Variants in RAPGEF4 observed in about 807,000 individuals in gnomAD.
The protein encoded by RAPGEF4 is Rap guanine nucleotide exchange factor 4, also known as RAP guanine-nucleotide-exchange factor (GEF) 4.
In RAPGEF4, 66 loss-of-function variants were observed where a neutral mutation model predicts 147.9. That is an observed-to-expected ratio of 0.45 (90% CI 0.37 to 0.55). The LOEUF (loss-of-function observed/expected upper bound fraction) is 0.55. Among genes scored for constraint, RAPGEF4 ranks in the 20% least tolerant of loss-of-function variants. The pLI is 0.00. For missense variants in RAPGEF4, 1,071 were observed against 1,257.3 expected (o/e 0.85, Z 2.24); for synonymous variants, 419 against 442.7 (o/e 0.95, Z 0.67).
At chr2:173,036,837 T>C in intron 29 of RAPGEF4, 145 bp downstream of exon 29, 1 of 550,374 alleles carries the variant, frequency 1.8e-6, no homozygotes, top group East Asian at 2.9e-5. Context: ...TTGGTTCAAA[T>C]TGGCTACCTA....
intron 2 of RAPGEF4, among the ~76,000 whole-genome samples, chr2:172,795,774 G>A (rs61504669): frequency 6.6e-6 from 1 of 152,208 alleles, no homozygotes; most frequent in African/African-American, 2.4e-5. Context: ...TCCTGAGGTA[G>A]AATGACTTCA....
chr2:172,827,191 T>C (rs1689764638), intron 4 of RAPGEF4, among the ~76,000 whole-genome samples: 2 of 152,148 alleles, frequency 1.3e-5, no homozygotes, highest in Non-Finnish European at 2.9e-5. Context: ...ATAATAACAG[T>C]TGCAAGCACA....
intron 17 of RAPGEF4, among the ~76,000 whole-genome samples, chr2:173,011,921 A>G (rs1289438332): frequency 6.6e-6 from 1 of 151,304 alleles, no homozygotes; most frequent in African/African-American, 2.4e-5. Context: ...ATTGAGGCTA[A>G]GTGTTCACCA....
chr2:172,889,922 G>A lies in RAPGEF4; in HGVS notation c.445-27880G>A, dbSNP rs540003318. ...TATTCCTGGGGTTTTATCTACCAGC[G>A]TCTGGGAATGTTTCGTGATGTGCTG... On this transcript the variant is annotated intron_variant, in intron 4 of 30. Transcript: ENST00000397081. The A allele has an allele frequency of 4.3e-5, 28 of 647,474 alleles. No individual in the cohort carries two copies. In the Admixed American group the frequency reaches 4.4e-4, roughly 10 times the overall value. The allele number at this position is 647,474 out of a possible 1,614,324, so 40.1% of individuals were successfully genotyped here. A position where few individuals can be genotyped will look rare whatever the true frequency, so the allele number is the denominator to read the frequency against.
chr2:172,816,252 GTCTC>G (rs149952463), intron 4 of RAPGEF4, among the ~76,000 whole-genome samples: 3 of 149,772 alleles, frequency 2.0e-5, no homozygotes, highest in Non-Finnish European at 4.5e-5. Flanking sequence ...TTATATCTAA[GTCTC>G]TCTCTCTCTC....
At chr2:172,922,344 A>C (rs748825553) in intron 6 of RAPGEF4, 44 bp downstream of exon 6, 2 of 1,557,230 alleles carry the variant, frequency 1.3e-6, no homozygotes, top group South Asian at 2.2e-5. Context: ...AATTGTTATA[A>C]GGTAAAAAAT....
chr2:172,879,741 G>A (rs879836512), intron 4 of RAPGEF4, among the ~76,000 whole-genome samples: 13 of 152,160 alleles, frequency 8.5e-5, no homozygotes, highest in Admixed American at 1.3e-4. Context: ...GGTCAAGGCT[G>A]CAGTGAGCCG....
rs192107102 is a variant in RAPGEF4 at position 172,803,102 on chromosome 2, A to G, written c.297+5489A>G. 1.9e-3 allele frequency among the ~76,000 whole-genome samples: 282 copies of G among 152,176 alleles called. 1 individual carries two copies. The highest frequency in any genetic ancestry group is 6.4e-3 in the African/African-American group (266 of 41,538). On this transcript the variant is annotated intron_variant, in intron 3 of 30. Transcript: ENST00000397081. ...CTTTTCCAGGTGCATGGTGCAAGCT[A>G]TTGGTGGATCTACCATTCTGGTATC...
intron 6 of RAPGEF4, among the ~76,000 whole-genome samples, chr2:172,941,465 T>C (rs955485463): frequency 6.6e-6 from 1 of 152,204 alleles, no homozygotes; most frequent in African/African-American, 2.4e-5. Flanking sequence ...AGATGAAAAA[T>C]ATTCACTTCA....
chr2:172,951,313 C>G (rs986088394), intron 6 of RAPGEF4, among the ~76,000 whole-genome samples: 1 of 152,198 alleles, frequency 6.6e-6, no homozygotes, highest in African/African-American at 2.4e-5. Flanking sequence ...TCTCAGTTTT[C>G]TCTTTGGGCA....
At chr2:172,912,178 C>T (rs1575212380) in intron 4 of RAPGEF4, among the ~76,000 whole-genome samples, 1 of 152,306 alleles carries the variant, frequency 6.6e-6, no homozygotes, top group East Asian at 1.9e-4. Flanking sequence ...GCTCATAGAA[C>T]TTGAAGGGTC....
intron 3 of RAPGEF4, among the ~76,000 whole-genome samples, chr2:172,806,276 G>A (rs1450448459): frequency 6.6e-6 from 1 of 152,146 alleles, no homozygotes; most frequent in Admixed American, 6.5e-5. Flanking sequence ...TATATTGCAA[G>A]ATAGAAAATG....
chr2:172,755,036 C>G (rs1695638792), intron 1 of RAPGEF4, among the ~76,000 whole-genome samples: 1 of 151,682 alleles, frequency 6.6e-6, no homozygotes, highest in Non-Finnish European at 1.5e-5. Context: ...GAGTGAGACT[C>G]CATCTCAAAA....
In RAPGEF4 at chr2:172,761,431, C is replaced by T. The variant is rs372818101; in HGVS notation, c.65+25383C>T. On this transcript the variant is annotated intron_variant, in intron 1 of 30. Transcript: ENST00000397081. ...TGCTGGGATTACAGGCGTGAGCCAC[C>T]GTGCCCGGCCTGAAGTGGAACATTT... 1.1e-4 allele frequency among the ~76,000 whole-genome samples: 17 copies of T among 152,110 alleles called. 1 individual carries two copies. The highest frequency in any genetic ancestry group is 6.2e-4 in the South Asian group (3 of 4,810).
chr2:172,900,128 G>T (rs780677267), intron 4 of RAPGEF4, among the ~76,000 whole-genome samples: 1 of 152,222 alleles, frequency 6.6e-6, no homozygotes, highest in African/African-American at 2.4e-5. Flanking sequence ...GGACAGCAGA[G>T]CCTGGAATTG....
chr2:172,739,268 A>C (rs1454330109), intron 1 of RAPGEF4, among the ~76,000 whole-genome samples: 1 of 152,186 alleles, frequency 6.6e-6, no homozygotes, highest in Non-Finnish European at 1.5e-5. Flanking sequence ...GGGGATGGCA[A>C]CTAGGAACAA....
At chr2:172,897,889 A>T (rs1698674867) in intron 4 of RAPGEF4, among the ~76,000 whole-genome samples, 1 of 152,144 alleles carries the variant, frequency 6.6e-6, no homozygotes, top group South Asian at 2.1e-4. Context: ...TGTACTTTGT[A>T]AAGCACTTTC....
intron 6 of RAPGEF4, among the ~76,000 whole-genome samples, chr2:172,926,567 T>C (rs770051449): frequency 4.6e-5 from 7 of 152,010 alleles, no homozygotes; most frequent in Non-Finnish European, 1.0e-4. Flanking sequence ...TTTGTTTGTT[T>C]ATTTGTTTGT....
chr2:172,915,279 T>C (rs2150023815), intron 4 of RAPGEF4, among the ~76,000 whole-genome samples: 1 of 152,344 alleles, frequency 6.6e-6, no homozygotes, highest in South Asian at 2.1e-4. Context: ...ATTAGAAAGT[T>C]TGACCATCAA....
Sources: gnomAD v4.1 joint callset for allele counts (sites outside exome capture counted in the v4.1 genomes callset) on GRCh38, gnomAD v4.1.1 for gene constraint, MANE v1.5 for transcripts, NCBI Gene and HGNC (gene_info 2026-07-23, HGNC 2026-07-21) for gene names.